The following NSD1 variants were observed in gnomAD, a reference collection of about 807,000 sequenced individuals.
NSD1 encodes the protein histone-lysine N-methyltransferase, H3 lysine-36 specific.
NSD1 carries 26 observed loss-of-function variants against 242.7 expected under a neutral mutation model. The ratio of observed to expected loss-of-function variants is 0.11; its 90% CI spans 0.08 to 0.15. NSD1 has a LOEUF of 0.15. NSD1 is among the 10% of genes least tolerant of loss of function. NSD1 has a pLI of 1.00. For missense variants in NSD1, 2,495 were observed against 3,272.8 expected, an observed-to-expected ratio of 0.76 and a Z score of 5.80; for synonymous variants, 1,106 against 1,178.1, an observed-to-expected ratio of 0.94 and a Z score of 1.25.
intron 2 of NSD1, among the ~76,000 whole-genome samples, chr5:177,156,465 C>T (rs1231857532): frequency 1.3e-5 from 2 of 152,142 alleles, no homozygotes; most frequent in Non-Finnish European, 2.9e-5. Context: ...AGGCGTAAGC[C>T]TCCGCCGGGC....
chr5:177,288,228 A>C (rs1184818954), intron 20 of NSD1, among the ~76,000 whole-genome samples: 1 of 152,208 alleles, frequency 6.6e-6, no homozygotes, highest in Non-Finnish European at 1.5e-5. Flanking sequence ...TAAAGTTTAC[A>C]CGTTACTGCT....
chr5:177,293,254 G>T (rs1351203827), intron 22 of NSD1, among the ~76,000 whole-genome samples: 1 of 152,154 alleles, frequency 6.6e-6, no homozygotes, highest in Non-Finnish European at 1.5e-5. Context: ...TAAAAGCTTA[G>T]GTCAGCTTTG....
chr5:177,285,587 A>AAAT (rs1439631800), intron 20 of NSD1, among the ~76,000 whole-genome samples: 3 of 149,122 alleles, frequency 2.0e-5, no homozygotes, highest in Admixed American at 1.3e-4. Flanking sequence ...AAAAAAAAAA[A>AAAT]TTTGTATAAA....
At chr5:177,255,548 G>C (rs1185797136) in intron 12 of NSD1, among the ~76,000 whole-genome samples, 2 of 152,076 alleles carry the variant, frequency 1.3e-5, no homozygotes, top group African/African-American at 4.8e-5. Context: ...CAGAGAGATA[G>C]AGGTCTGTGG....
chr5:177,149,333 G>A (rs574257875), intron 2 of NSD1, among the ~76,000 whole-genome samples: 11 of 151,538 alleles, frequency 7.3e-5, no homozygotes, highest in African/African-American at 1.9e-4. Context: ...ATTCTCGTGC[G>A]TCAGCCTCTG....
intron 2 of NSD1, among the ~76,000 whole-genome samples, chr5:177,178,746 G>C (rs1760415428): frequency 6.6e-6 from 1 of 152,140 alleles, no homozygotes; most frequent in African/African-American, 2.4e-5. Context: ...ACATTAAAAA[G>C]TGCTTTGTTG....
intron 2 of NSD1, among the ~76,000 whole-genome samples, chr5:177,146,664 G>T (rs1277549510): frequency 1.3e-5 from 2 of 151,962 alleles, no homozygotes; most frequent in Non-Finnish European, 2.9e-5. Flanking sequence ...TAAGTTCTTT[G>T]TTTTTATCAC....
intron 10 of NSD1, among the ~76,000 whole-genome samples, chr5:177,247,594 C>A (rs551838113): frequency 2.0e-5 from 3 of 151,452 alleles, no homozygotes; most frequent in Non-Finnish European, 2.9e-5. Context: ...ATCGAGACTG[C>A]TGTGGTTAGC....
chr5:177,290,561 C>T (rs1415953035), intron 21 of NSD1, among the ~76,000 whole-genome samples: 2 of 152,052 alleles, frequency 1.3e-5, no homozygotes, highest in Admixed American at 1.3e-4. Flanking sequence ...GCCCCTGCCA[C>T]CACACCTGGC....
intron 2 of NSD1, among the ~76,000 whole-genome samples, chr5:177,173,947 GGTAGTTAAAT>G (rs1236432713): frequency 6.6e-6 from 1 of 152,192 alleles, no homozygotes; most frequent in African/African-American, 2.4e-5. Context: ...GCAGTAATTT[GGTAGTTAAAT>G]GAACATTAAT....
chr5:177,208,658 T>C (rs1196147196), intron 4 of NSD1, among the ~76,000 whole-genome samples: 1 of 151,748 alleles, frequency 6.6e-6, no homozygotes, highest in Admixed American at 6.6e-5. Context: ...CTCCCTACTT[T>C]CTTTTTTATG....
At chr5:177,252,546 T>TTG (rs1419484363) in intron 12 of NSD1, among the ~76,000 whole-genome samples, 7 of 129,004 alleles carry the variant, frequency 5.4e-5, no homozygotes, top group African/African-American at 2.2e-4. Context: ...GTTCTTTTTT[T>TTG]TTTTTTTTTT....
At chr5:177,235,639 C>G (rs1031642334) in intron 5 of NSD1, among the ~76,000 whole-genome samples, 182 bp from the exon 6 acceptor site, 5 of 152,122 alleles carry the variant, frequency 3.3e-5, no homozygotes, top group South Asian at 2.1e-4. Context: ...TTGTCTCCCC[C>G]CAGCTCCTTT....
At chr5:177,231,711 C>T (rs1486445214) in intron 5 of NSD1, among the ~76,000 whole-genome samples, 2 of 151,994 alleles carry the variant, frequency 1.3e-5, no homozygotes, top group African/African-American at 4.8e-5. Context: ...TGAGTCACTG[C>T]GCCCAAACCG....
intron 21 of NSD1, among the ~76,000 whole-genome samples, chr5:177,290,101 T>C (rs1464753364): frequency 6.6e-6 from 1 of 151,602 alleles, no homozygotes; most frequent in Non-Finnish European, 1.5e-5. Context: ...GTGCTGGGAT[T>C]ACAGGCGTGA....
chr5:177,283,826 C>A lies in NSD1; in HGVS notation c.6049C>A (p.Arg2017=), dbSNP rs587784176. ...IDAGPKGNYA[R]FMNHCCQPNC... is the part of the protein sequence containing the mutation. ...TGCTGGTCCCAAAGGAAACTATGCT[C>A]GGTTCATGAATCATTGCTGCCAGCC... The change falls in exon 20 of 23, where the codon CGG becomes AGG. Residue 2017 remains arginine (R), a synonymous_variant. Coordinates refer to ENST00000439151, the MANE Select transcript of NSD1 (RefSeq NM_022455.5). 6 of 1,614,124 alleles carry A rather than the reference C, an allele frequency of 3.7e-6. No homozygotes were observed. The highest frequency in any genetic ancestry group is 5.1e-6 in the Non-Finnish European group (6 of 1,180,004).
intron 2 of NSD1, among the ~76,000 whole-genome samples, chr5:177,139,277 G>A (rs1247490457): frequency 6.7e-6 from 1 of 148,606 alleles, no homozygotes; most frequent in Admixed American, 6.7e-5. Flanking sequence ...CATCCTGGCC[G>A]ACATGGTGAA....
At chr5:177,230,146 A>G (rs1013926834) in intron 5 of NSD1, among the ~76,000 whole-genome samples, 2 of 145,554 alleles carry the variant, frequency 1.4e-5, no homozygotes, top group African/African-American at 2.5e-5. Flanking sequence ...TTTTTAGACG[A>G]AGTCTCACTC....
intron 12 of NSD1, among the ~76,000 whole-genome samples, chr5:177,254,137 G>A (rs1756231312): frequency 6.6e-6 from 1 of 151,888 alleles, no homozygotes; most frequent in Admixed American, 6.6e-5. Flanking sequence ...TAGTGGAGAC[G>A]GGGTTTCTCC....
Sources: allele counts gnomAD v4.1 joint callset (sites outside exome capture counted in the v4.1 genomes callset), GRCh38; gene constraint gnomAD v4.1.1; transcripts MANE v1.5; gene names NCBI Gene and HGNC (gene_info 2026-07-23, HGNC 2026-07-21).